CACNA2D2: variants seen among roughly 807,000 people sequenced by gnomAD.
The protein encoded by CACNA2D2 is calcium voltage-gated channel auxiliary subunit alpha2delta 2, also known as voltage-dependent calcium channel subunit alpha-2/delta-2.
Under a neutral mutation model 166.4 loss-of-function variants are expected in CACNA2D2, and 48 were observed. The ratio of observed to expected loss-of-function variants is 0.29; its 90% CI spans 0.23 to 0.37. The LOEUF (loss-of-function observed/expected upper bound fraction) is 0.37. Among genes scored for constraint, CACNA2D2 ranks in the 10% least tolerant of loss-of-function variants. The probability of loss-of-function intolerance (pLI) is 1.00; values close to 1 mark genes in which losing one functional copy is unlikely to be tolerated. For synonymous variants in CACNA2D2, 561 were observed against 573.7 expected (o/e 0.98, Z 0.32); for missense variants, 1,122 against 1,433.0 (o/e 0.78, Z 3.50).
At chr3:50,434,922 C>G (rs1708241945) in intron 2 of CACNA2D2, among the ~76,000 whole-genome samples, 1 of 152,250 alleles carries the variant, frequency 6.6e-6, no homozygotes, top group Admixed American at 6.5e-5. Flanking sequence ...GCTCAGGCAT[C>G]TGGACCCTTT....
At chr3:50,383,545 C>T (rs1229434240) in intron 6 of CACNA2D2, among the ~76,000 whole-genome samples, 2 of 152,188 alleles carry the variant, frequency 1.3e-5, no homozygotes, top group Non-Finnish European at 2.9e-5. Context: ...TCATGTCTGA[C>T]TCAAATCCTT....
intron 2 of CACNA2D2, among the ~76,000 whole-genome samples, chr3:50,463,815 C>T (rs1222758841): frequency 2.6e-5 from 4 of 152,222 alleles, no homozygotes; most frequent in Non-Finnish European, 5.9e-5. Flanking sequence ...GAAGGCTGGG[C>T]GTGAGAGAGC....
Position 50,434,296 on chromosome 3 carries a change from C to G in CACNA2D2, c.405+17G>C, listed in dbSNP as rs867840653. 1.9e-6 allele frequency: 3 copies of G among 1,592,216 alleles called. No homozygotes were observed. The highest frequency in any genetic ancestry group is 2.6e-6 in the Non-Finnish European group (3 of 1,160,324). ...CTCCCTCAGTGCCGCCCCCCTGCCC[C>G]CAAAACACACACCTACCTTCAGGGC... On this transcript the variant is annotated intron_variant, in intron 3 of 37. Coordinates refer to ENST00000424201, the MANE Select transcript of CACNA2D2 (RefSeq NM_006030.4).
intron 3 of CACNA2D2, among the ~76,000 whole-genome samples, chr3:50,412,084 A>C (rs1437869938): frequency 6.6e-6 from 1 of 152,246 alleles, no homozygotes; most frequent in African/African-American, 2.4e-5. Flanking sequence ...CCATGGGCTC[A>C]GCTAGAGCAA....
rs749804420 is a variant in CACNA2D2, at chr3:50,367,028, C to T, written c.2483G>A (p.Arg828His). The change falls in exon 28 of 38, where the codon CGC becomes CAC. Residue 828 changes from arginine to histidine, a missense_variant. Arg to His is a conservative substitution (Grantham distance 29, BLOSUM62 0). Coordinates refer to ENST00000424201, the MANE Select transcript of CACNA2D2 (RefSeq NM_006030.4). The surrounding 1 kb of genome is among the most constrained non-coding windows in gnomAD (Gnocchi z 6.5). ...STAVELSLGRRTLRPAVVGVK... is the reference protein window; with the variant it reads ...STAVELSLGRHTLRPAVVGVK... ...ACATTCACCTGCTGGCCTCAGTGTG[C>T]GCCTGCCTAGGCTGAGCTCCACAGC... is the stretch of plus-strand genomic sequence containing the variant. 2 of 1,613,656 alleles carry T rather than the reference C, an allele frequency of 1.2e-6. No homozygotes were observed. The highest frequency in any genetic ancestry group is 8.5e-7 in the Non-Finnish European group (1 of 1,179,876).
intron 2 of CACNA2D2, among the ~76,000 whole-genome samples, chr3:50,470,603 G>C (rs866174615): frequency 0.12 from 12,877 of 105,000 alleles, 1,918 homozygotes; most frequent in African/African-American, 0.37. Context: ...AGGGGGCGGG[G>C]GGGGGGGGTG....
Position 50,365,698 on chromosome 3 carries a change from A to G in CACNA2D2, c.2916-10T>C. The G allele has an allele frequency of 6.3e-7, 1 of 1,591,780 alleles. No homozygotes were observed. The highest frequency in any genetic ancestry group is 1.1e-5 in the South Asian group (1 of 88,188). ...CTGCTGGAACAGGGACCTGCAGCGC[A>G]CGGGGAGCCGAGTGCAGGTGGTCAG... On this transcript the variant is annotated splice_polypyrimidine_tract_variant and intron_variant, in intron 33 of 37. Coordinates refer to ENST00000424201, the MANE Select transcript of CACNA2D2 (RefSeq NM_006030.4). The surrounding 1 kb of genome is among the most constrained non-coding windows in gnomAD (Gnocchi z 4.5).
At position 50,503,252 on chromosome 3, in the gene CACNA2D2, C is replaced by T. The variant is rs1205272664; in HGVS notation, c.172G>A (p.Gly58Ser). 5 of 1,192,744 alleles carry T rather than the reference C, an allele frequency of 4.2e-6. No individual in the cohort carries two copies. Among genetic ancestry groups the T allele is most frequent in the African/African-American group, 1.6e-5 (1 of 62,770 alleles). The allele number at this position is 1,192,744 out of a possible 1,614,324, so 73.9% of individuals were successfully genotyped here. Residue 58 changes from glycine to serine, a missense_variant, in exon 1 of 38, where the codon GGC becomes AGC. Around this residue, in one of 2 missense-constraint regions of CACNA2D2, gnomAD observed 840 missense variants for 1,166.8 expected, o/e 0.72. Coordinates refer to ENST00000424201, the MANE Select transcript of CACNA2D2 (RefSeq NM_006030.4). ...LPLLPLLAAP[G>S]ASAYSFPQQH... ...TGGGGGAAGCTGTAGGCAGAGGCGCCGGGGGCGGCGAGCAGCGGTAGAAGC... is the reference window on the plus strand; with the variant it reads ...TGGGGGAAGCTGTAGGCAGAGGCGCTGGGGGCGGCGAGCAGCGGTAGAAGC...
intron 2 of CACNA2D2, among the ~76,000 whole-genome samples, chr3:50,459,820 AG>A (rs1295793476): frequency 6.6e-6 from 1 of 152,134 alleles, no homozygotes; most frequent in Non-Finnish European, 1.5e-5. Context: ...CCTCCTGGGG[AG>A]GGGTCAGCAG....
intron 2 of CACNA2D2, among the ~76,000 whole-genome samples, chr3:50,464,950 C>A (rs1340804341): frequency 6.6e-6 from 1 of 152,248 alleles, no homozygotes; most frequent in Non-Finnish European, 1.5e-5. Context: ...ATGTGCCAGC[C>A]CTGGGACTGG....
chr3:50,501,807 A>G (rs973375645), intron 1 of CACNA2D2, among the ~76,000 whole-genome samples: 17 of 152,244 alleles, frequency 1.1e-4, no homozygotes, highest in Non-Finnish European at 2.1e-4. Context: ...GTCCATTTCC[A>G]TCACGGCAAA....
Position 50,365,593 on chromosome 3 carries a change from G to C in CACNA2D2, c.2971+40C>G. 1 of 1,574,584 alleles carries C rather than the reference G, an allele frequency of 6.4e-7. No individual in the cohort carries two copies. Among genetic ancestry groups the C allele is most frequent in the Non-Finnish European group, 8.6e-7 (1 of 1,159,622 alleles). ...ATGGAGTCGTCTTAGCTCAGATTGG[G>C]GACCCGGACTTGAGGAGGCGCCTCC... On this transcript the variant is annotated intron_variant, in intron 34 of 37. Transcript: ENST00000424201. This position sits in a 1 kb window ranked among gnomAD's most constrained non-coding sequence, Gnocchi z 4.5.
chr3:50,393,881 G>A (rs1322771632), intron 4 of CACNA2D2, among the ~76,000 whole-genome samples: 2 of 152,206 alleles, frequency 1.3e-5, no homozygotes, highest in African/African-American at 2.4e-5. Context: ...TCCCACTCAC[G>A]GGTGACTCCA....
chr3:50,488,460 C>T lies in CACNA2D2; in HGVS notation c.207-12261G>A, dbSNP rs1013547597. 2.9e-4 allele frequency among the ~76,000 whole-genome samples: 44 copies of T among 152,246 alleles called. 1 individual carries two copies. The highest frequency in any genetic ancestry group is 2.4e-3 in the Admixed American group (37 of 15,302). ...TGCAGAGCCTCTTCCCCCCGGCATC[C>T]TGACACTGCCCTGTACTTTGTATCT... On this transcript the variant is annotated intron_variant, in intron 1 of 37. Transcript: ENST00000424201.
chr3:50,476,745 C>A (rs113653592), intron 1 of CACNA2D2, among the ~76,000 whole-genome samples: 2 of 152,102 alleles, frequency 1.3e-5, no homozygotes, highest in African/African-American at 4.8e-5. Flanking sequence ...GATTAGGCAG[C>A]CCTTGCCTAT....
At chr3:50,469,373 C>CT (rs59747078) in intron 2 of CACNA2D2, among the ~76,000 whole-genome samples, 14,728 of 151,930 alleles carry the variant, frequency 0.097, 2,053 homozygotes, top group African/African-American at 0.31. Context: ...GCCTTTGTGC[C>CT]ATCTTAGGGA....
rs775681416 is a variant in CACNA2D2 at position 50,365,653 on chromosome 3, T to G, written c.2951A>C (p.Tyr984Ser). Residue 984 changes from tyrosine (Y) to serine (S), a missense_variant, in exon 34 of 38, where the codon TAC (tyrosine) becomes TCC (serine). Physicochemically the swap from Tyr to Ser is moderately radical, Grantham distance 144. Transcript: ENST00000424201. This position sits in a 1 kb window ranked among gnomAD's most constrained non-coding sequence, Gnocchi z 4.5. ...CCTACCTGCTTGGAACCAGCTGTGG[T>G]AGATGAGGCCGTAGAGAAGCTGCTG... ...LFQQLLYGLI[Y>S]HSWFQADPAE... The G allele has an allele frequency of 6.3e-7, 1 of 1,581,516 alleles. No homozygotes were observed. Among genetic ancestry groups the G allele is most frequent in the Non-Finnish European group, 8.6e-7 (1 of 1,163,944 alleles).
intron 1 of CACNA2D2, among the ~76,000 whole-genome samples, chr3:50,494,591 C>T (rs954910963): frequency 1.3e-5 from 2 of 152,198 alleles, no homozygotes; most frequent in Non-Finnish European, 2.9e-5. Flanking sequence ...TGGGGCCTCA[C>T]ACCACATAGA....
intron 5 of CACNA2D2, among the ~76,000 whole-genome samples, chr3:50,384,707 C>T (rs587618551): frequency 2.0e-5 from 3 of 152,242 alleles, no homozygotes; most frequent in Admixed American, 6.5e-5. Context: ...ATTCTGCTTA[C>T]AAGGATGTGC....
Sources: allele counts gnomAD v4.1 joint callset (sites outside exome capture counted in the v4.1 genomes callset), GRCh38; gene constraint gnomAD v4.1.1; regional missense constraint gnomAD v4.1.1; non-coding constraint Gnocchi (gnomAD v3.1); transcripts MANE v1.5; gene names NCBI Gene and HGNC (gene_info 2026-07-23, HGNC 2026-07-21).